Variants in HERC2 observed in about 807,000 individuals in gnomAD.
HERC2 encodes HECT and RLD domain containing E3 ubiquitin protein ligase 2, also known as E3 ubiquitin-protein ligase HERC2.
HERC2 carries 102 observed loss-of-function variants against 537.7 expected under a neutral mutation model. The ratio of observed to expected loss-of-function variants is 0.19; its 90% confidence interval spans 0.16 to 0.22. The LOEUF (loss-of-function observed/expected upper bound fraction) is 0.22. HERC2 is among the 10% of genes least tolerant of loss of function. The pLI is 1.00. For synonymous variants in HERC2, 2,224 were observed against 2,466.2 expected, an observed-to-expected ratio of 0.90 and a Z score of 2.91; for missense variants, 4,236 against 6,198.2, an observed-to-expected ratio of 0.68 and a Z score of 10.63.
chr15:28,295,713 T>C, intron 3 of HERC2, among the ~76,000 whole-genome samples: 1 of 152,208 alleles, frequency 6.6e-6, no homozygotes, highest in East Asian at 1.9e-4. Context: ...ATTTTATAGT[T>C]TTTAATAATT....
At chr15:28,254,861 A>C (rs889967639) in intron 19 of HERC2, among the ~76,000 whole-genome samples, 4 of 152,256 alleles carry the variant, frequency 2.6e-5, no homozygotes, top group Non-Finnish European at 5.9e-5. Flanking sequence ...TGTAAGGACA[A>C]GAAGAAGCTG....
intron 40 of HERC2, 33 bp from the exon 41 acceptor site, chr15:28,214,305 C>G (rs377229245): frequency 1.3e-6 from 2 of 1,560,606 alleles, no homozygotes; most frequent in Non-Finnish European, 1.8e-6. Flanking sequence ...AGCTGCTGCA[C>G]CGCTCTTCAC....
intron 66 of HERC2, 37 bp from the exon 67 acceptor site, chr15:28,168,627 C>T: frequency 6.3e-7 from 1 of 1,584,942 alleles, no homozygotes; most frequent in Non-Finnish European, 8.6e-7. Context: ...GGTGAGCTGC[C>T]CCTTCTCCAC....
intron 20 of HERC2, 27 bp downstream of exon 20, chr15:28,254,313 T>TAC (rs751365523): frequency 1.3e-6 from 2 of 1,482,652 alleles, no homozygotes; most frequent in East Asian, 4.7e-5. Flanking sequence ...AAATAACATA[T>TAC]AATACAATAC....
Position 28,116,778 on chromosome 15 carries a change from G to A in HERC2, c.13496C>T (p.Pro4499Leu). The A allele has an allele frequency of 6.2e-7, 1 of 1,613,904 alleles. No individual in the cohort carries two copies. The highest frequency in any genetic ancestry group is 8.5e-7 in the Non-Finnish European group (1 of 1,179,966). The change falls in exon 88 of 93, where the codon CCC becomes CTC. Residue 4499 changes from proline (P) to leucine (L), a missense_variant. Pro to Leu is a moderately conservative substitution (Grantham distance 98). Around this residue, in one of 27 missense-constraint regions of HERC2, gnomAD observed 313 missense variants for 462.6 expected, o/e 0.68. Transcript: ENST00000261609. ...ICEELQNGLT[P>L]LLIVTPNGRD... ...CCCGTTGGGTGTCACGATCAGCAGG[G>A]GCGTGAGTCCGTTCTGCAGCTCCTC...
intron 69 of HERC2, among the ~76,000 whole-genome samples, chr15:28,154,869 A>C (rs1489448444): frequency 6.7e-6 from 1 of 150,220 alleles, no homozygotes; most frequent in African/African-American, 2.5e-5. Context: ...GCACCCATTA[A>C]CTCATCATTT....
At chr15:28,140,122 TAGAA>T (rs1207662436) in intron 78 of HERC2, among the ~76,000 whole-genome samples, 2 of 150,132 alleles carry the variant, frequency 1.3e-5, no homozygotes, top group South Asian at 2.1e-4. Context: ...TCAAAACACG[TAGAA>T]AGAGTGTTGA....
At chr15:28,249,241 G>C (rs1308036609) in intron 20 of HERC2, among the ~76,000 whole-genome samples, 2 of 152,202 alleles carry the variant, frequency 1.3e-5, no homozygotes, top group African/African-American at 2.4e-5. Flanking sequence ...TGCCTTGCAA[G>C]TCCACCTTGA....
At chr15:28,131,156 A>C (rs1038062584) in intron 81 of HERC2, among the ~76,000 whole-genome samples, 1 of 152,190 alleles carries the variant, frequency 6.6e-6, no homozygotes, top group Non-Finnish European at 1.5e-5. Flanking sequence ...AATTAATTAA[A>C]ACTGACTTCA....
intron 16 of HERC2, among the ~76,000 whole-genome samples, chr15:28,260,487 A>T (rs540652633): frequency 6.6e-6 from 1 of 152,192 alleles, no homozygotes; most frequent in East Asian, 1.9e-4. Context: ...CACCTCTCCT[A>T]TTCAGCTTCA....
intron 70 of HERC2, among the ~76,000 whole-genome samples, chr15:28,149,984 C>G (rs995380392): frequency 6.6e-6 from 1 of 152,004 alleles, no homozygotes; most frequent in Non-Finnish European, 1.5e-5. Flanking sequence ...GAGAACATCA[C>G]CGAGAACGGC....
Position 28,176,201 on chromosome 15 carries a change from G to A in HERC2, c.9686+227C>T, listed in dbSNP as rs1297186001. Among the ~76,000 whole-genome samples the A allele has an allele frequency of 4.6e-5, 7 of 152,206 alleles. No individual in the cohort carries two copies. The highest frequency in any genetic ancestry group is 2.6e-4 in the Admixed American group (4 of 15,286). On this transcript the variant is annotated intron_variant, in intron 63 of 92. Transcript: ENST00000261609. This position sits in a 1 kb window ranked among gnomAD's most constrained non-coding sequence, Gnocchi z 5.0. ...CTCACCCAAACAGGAAAGGTAAGTGGCCTAAAATTTTTCTAGTATTTTCAA... is the reference window on the plus strand; with the variant it reads ...CTCACCCAAACAGGAAAGGTAAGTGACCTAAAATTTTTCTAGTATTTTCAA...
chr15:28,250,923 A>G (rs2075055375), intron 20 of HERC2, among the ~76,000 whole-genome samples: 1 of 152,160 alleles, frequency 6.6e-6, no homozygotes, highest in Non-Finnish European at 1.5e-5. Context: ...GGTGATAACT[A>G]TGTTTGTGTC....
Position 28,248,658 on chromosome 15 carries a change from G to A in HERC2, c.3129C>T (p.His1043=), listed in dbSNP as rs764415728. 1 of 1,613,660 alleles carries A rather than the reference G, an allele frequency of 6.2e-7. No homozygotes were observed. The highest frequency in any genetic ancestry group is 1.1e-5 in the South Asian group (1 of 91,086). ...CCAATGAAGCAGATCTTTCACGACT[G>A]TGTTGCTCAAAGTCCAGACATGATG... ...RISSCLDFEQ[H]SRERSASLDL... is the part of the protein sequence containing the mutation. The change falls in exon 21 of 93, where the codon CAC becomes CAT. Residue 1043 remains histidine (H), a synonymous_variant. Transcript: ENST00000261609.
At chr15:28,161,622 T>G (rs894072788) in intron 69 of HERC2, among the ~76,000 whole-genome samples, 3 of 152,214 alleles carry the variant, frequency 2.0e-5, no homozygotes, top group Non-Finnish European at 4.4e-5. Context: ...AGTTGAGTGT[T>G]TTAAAACCTT....
chr15:28,304,823 T>G (rs1448299649), intron 2 of HERC2, among the ~76,000 whole-genome samples: 1 of 135,652 alleles, frequency 7.4e-6, no homozygotes, highest in African/African-American at 2.7e-5. Context: ...ACTCGTCATC[T>G]AGCATTAGGT....
At position 28,213,962 on chromosome 15, in the gene HERC2, T is replaced by C; in HGVS notation, c.6566A>G (p.Glu2189Gly). Residue 2189 changes from glutamate (E) to glycine (G), a missense_variant, in exon 42 of 93, where the codon GAG becomes GGG. Physicochemically the swap from Glu to Gly is moderately conservative, Grantham distance 98 (BLOSUM62 -2). Coordinates refer to ENST00000261609, the MANE Select transcript of HERC2 (RefSeq NM_004667.6). ...GTTCTCGGAGTCGGGGAAGTAGTCC[T>C]CTAACTGGGCCTAGTGCAGACCAAA... ...VGRPSEGAQL[E>G]DYFPDSENPE... 6.2e-7 allele frequency: 1 copy of C among 1,613,798 alleles called. No homozygotes were observed. Among genetic ancestry groups the C allele is most frequent in the Non-Finnish European group, 8.5e-7 (1 of 1,179,810 alleles).
chr15:28,198,320 G>C, intron 50 of HERC2, 58 bp downstream of exon 50: 1 of 1,557,012 alleles, frequency 6.4e-7, no homozygotes, highest in South Asian at 1.2e-5. Context: ...GAAATACTAA[G>C]TACACATGCG....
intron 4 of HERC2, among the ~76,000 whole-genome samples, chr15:28,282,356 T>C (rs2076040975): frequency 6.6e-6 from 1 of 151,932 alleles, no homozygotes. Context: ...AATACCACGA[T>C]GAAAGATGTT....
Sources: gnomAD v4.1 joint callset for allele counts (sites outside exome capture counted in the v4.1 genomes callset) on GRCh38, gnomAD v4.1.1 for gene constraint, gnomAD v4.1.1 regional missense constraint, Gnocchi (gnomAD v3.1) non-coding constraint, MANE v1.5 for transcripts, NCBI Gene and HGNC (gene_info 2026-07-23, HGNC 2026-07-21) for gene names.